NEDD4L: variants seen among roughly 807,000 people sequenced by gnomAD.
NEDD4L encodes E3 ubiquitin-protein ligase NEDD4-like.
In NEDD4L, 54 loss-of-function variants were observed where a neutral mutation model predicts 148.9. The ratio of observed to expected loss-of-function variants is 0.36; its 90% CI spans 0.29 to 0.45. NEDD4L has a LOEUF of 0.45. NEDD4L is among the 20% of genes least tolerant of loss of function. The pLI, the probability that NEDD4L is intolerant of heterozygous loss-of-function variation, is 1.00. For missense variants in NEDD4L, 856 were observed against 1,233.8 expected, an observed-to-expected ratio of 0.69 and a Z score of 4.59; for synonymous variants, 433 against 440.7, an observed-to-expected ratio of 0.98 and a Z score of 0.22.
chr18:58,271,408 T>A (rs2051023127), intron 5 of NEDD4L, among the ~76,000 whole-genome samples: 1 of 152,210 alleles, frequency 6.6e-6, no homozygotes, highest in South Asian at 2.1e-4. Context: ...AAGGTTTTCG[T>A]GGTTTATTCT....
At chr18:58,128,995 G>A (rs2031615950) in intron 1 of NEDD4L, among the ~76,000 whole-genome samples, 1 of 152,170 alleles carries the variant, frequency 6.6e-6, no homozygotes, top group Non-Finnish European at 1.5e-5. Context: ...ATTAGGAGGG[G>A]GCCTTGCATA....
At chr18:58,066,006 A>G (rs1296319152) in intron 1 of NEDD4L, among the ~76,000 whole-genome samples, 1 of 152,266 alleles carries the variant, frequency 6.6e-6, no homozygotes, top group Non-Finnish European at 1.5e-5. Context: ...AAGAATATTC[A>G]GAAATAATCA....
At position 58,221,775 on chromosome 18, in the gene NEDD4L, A is replaced by G. The variant is rs1410381170; in HGVS notation, c.123-23652A>G. 6.3e-6 allele frequency: 6 copies of G among 949,246 alleles called. No homozygotes were observed. The African/African-American group carries it at 8.9e-5, about 14-fold the overall frequency. The allele number at this position is 949,246 out of a possible 1,614,324, so 58.8% of individuals were successfully genotyped here. A position where few individuals can be genotyped will look rare whatever the true frequency, so the allele number is the denominator to read the frequency against. ...AAGTATAGGTAAGAACAAAGACACC[A>G]CTGTATGTTTGCTATATGAATGCAT... is the stretch of plus-strand genomic sequence containing the variant. On this transcript the variant is annotated intron_variant, in intron 2 of 30. Coordinates refer to ENST00000400345, the MANE Select transcript of NEDD4L (RefSeq NM_001144967.3).
At chr18:58,385,477 C>T (rs368755188) in intron 25 of NEDD4L, 49 bp from the exon 26 acceptor site, 13 of 1,428,744 alleles carry the variant, frequency 9.1e-6, no homozygotes, top group African/African-American at 2.8e-5. Flanking sequence ...AAGCAGTGAG[C>T]ACTAGTGATG....
At chr18:58,142,420 T>C (rs147747601) in intron 1 of NEDD4L, among the ~76,000 whole-genome samples, 1 of 152,288 alleles carries the variant, frequency 6.6e-6, no homozygotes, top group African/African-American at 2.4e-5. Context: ...ACCTATGTAA[T>C]TTTCTTCAGC....
chr18:58,303,388 C>T (rs2056724686), intron 5 of NEDD4L, among the ~76,000 whole-genome samples: 1 of 152,186 alleles, frequency 6.6e-6, no homozygotes, highest in Non-Finnish European at 1.5e-5. Flanking sequence ...CACATTTCCT[C>T]TCTCATGTTC....
intron 5 of NEDD4L, among the ~76,000 whole-genome samples, chr18:58,298,028 A>G (rs977719801): frequency 1.4e-4 from 21 of 152,192 alleles, no homozygotes; most frequent in African/African-American, 5.1e-4. Flanking sequence ...TTGAAGGGAA[A>G]CAATTAAAAA....
At chr18:58,391,418 C>T in intron 29 of NEDD4L, 69 bp from the exon 30 acceptor site, 1 of 1,285,978 alleles carries the variant, frequency 7.8e-7, no homozygotes, top group Non-Finnish European at 1.1e-6. Context: ...AGCTGGACTG[C>T]AGACCACACC....
chr18:58,258,934 A>G (rs1400044751), intron 5 of NEDD4L, among the ~76,000 whole-genome samples: 2 of 152,180 alleles, frequency 1.3e-5, no homozygotes, highest in Non-Finnish European at 2.9e-5. Context: ...GGCTGCTACC[A>G]AGCTTTTTTG....
chr18:58,082,102 A>ATATGTTTTTTTTTTTTTTTT, intron 1 of NEDD4L, among the ~76,000 whole-genome samples: 1 of 48,856 alleles, frequency 2.0e-5, no homozygotes. Flanking sequence ...ATATATATAT[A>ATATGTTTTTTTTTTTTTTTT]TTTTTTTTTT....
At chr18:58,323,459 C>T (rs1387632455) in intron 8 of NEDD4L, 125 bp downstream of exon 8, 5 of 611,630 alleles carry the variant, frequency 8.2e-6, no homozygotes, top group African/African-American at 1.9e-5. Flanking sequence ...TACATATGTC[C>T]GCAAATTGGT....
chr18:58,094,511 C>T (rs990289055), intron 1 of NEDD4L, among the ~76,000 whole-genome samples: 1 of 152,138 alleles, frequency 6.6e-6, no homozygotes, highest in Non-Finnish European at 1.5e-5. Flanking sequence ...ACCTTTTCGC[C>T]GCCCTGGCCG....
At chr18:58,273,055 G>A (rs2051302057) in intron 5 of NEDD4L, among the ~76,000 whole-genome samples, 2 of 152,214 alleles carry the variant, frequency 1.3e-5, no homozygotes, top group South Asian at 4.1e-4. Flanking sequence ...CATGGCCAGT[G>A]GAACTGCAGC....
At chr18:58,277,233 G>T (rs2052245428) in intron 5 of NEDD4L, among the ~76,000 whole-genome samples, 1 of 118,914 alleles carries the variant, frequency 8.4e-6, no homozygotes, top group Admixed American at 9.2e-5. Context: ...CAGGTGAGGG[G>T]CACAATGGAG....
chr18:58,239,269 T>C (rs1432465220), intron 2 of NEDD4L, among the ~76,000 whole-genome samples: 1 of 152,236 alleles, frequency 6.6e-6, no homozygotes, highest in Non-Finnish European at 1.5e-5. Flanking sequence ...ATATTGACCA[T>C]CTTCCTTTTA....
intron 9 of NEDD4L, among the ~76,000 whole-genome samples, chr18:58,326,280 G>A (rs60812057): frequency 1.5e-3 from 229 of 152,280 alleles, no homozygotes; most frequent in African/African-American, 5.1e-3. Flanking sequence ...GTGGGTTCTC[G>A]TGAATGTCAG....
chr18:58,123,558 C>A (rs1007507440), intron 1 of NEDD4L, among the ~76,000 whole-genome samples: 2 of 152,170 alleles, frequency 1.3e-5, no homozygotes, highest in African/African-American at 2.4e-5. Context: ...CTGGTTAAAC[C>A]CACTTTCACA....
chr18:58,352,890 A>G (rs17064854), intron 18 of NEDD4L, among the ~76,000 whole-genome samples: 1,688 of 152,338 alleles, frequency 0.011, 30 homozygotes, highest in African/African-American at 0.039. Flanking sequence ...GTATACCGCA[A>G]GGAGCCAAAA....
intron 11 of NEDD4L, among the ~76,000 whole-genome samples, chr18:58,332,264 A>T (rs913476459): frequency 2.6e-5 from 4 of 152,168 alleles, no homozygotes; most frequent in Admixed American, 2.6e-4. Context: ...ACCCAAATAC[A>T]ATGTTGTATT....
Sources: allele counts gnomAD v4.1 joint callset (sites outside exome capture counted in the v4.1 genomes callset), GRCh38; gene constraint gnomAD v4.1.1; transcripts MANE v1.5; gene names NCBI Gene and HGNC (gene_info 2026-07-23, HGNC 2026-07-21).